Variants in DTNA observed in about 807,000 individuals in gnomAD.
The protein encoded by DTNA is dystrophin-related protein 3.
DTNA carries 43 observed loss-of-function variants against 100.7 expected under a neutral mutation model. That is an observed-to-expected ratio of 0.43 (90% CI 0.33 to 0.55). The LOEUF (loss-of-function observed/expected upper bound fraction) is 0.55, where lower values mean the gene tolerates loss of function less well. Ranked by LOEUF, DTNA falls within the 20% of genes least tolerant of loss-of-function variation. DTNA has a pLI of 0.04. For missense variants in DTNA, 798 were observed against 953.9 expected, an observed-to-expected ratio of 0.84 and a Z score of 2.15; for synonymous variants, 349 against 347.9, an observed-to-expected ratio of 1.00 and a Z score of -0.04.
At chr18:34,665,915 T>A (rs1455309537) in intron 1 of DTNA, among the ~76,000 whole-genome samples, 1 of 152,218 alleles carries the variant, frequency 6.6e-6, no homozygotes, top group Non-Finnish European at 1.5e-5. Flanking sequence ...CAGCATGATT[T>A]ACAGTCCTTT....
At chr18:34,867,061 A>G in intron 17 of DTNA, 4 of 1,229,810 alleles carry the variant, frequency 3.3e-6, no homozygotes, top group Non-Finnish European at 4.1e-6. Context: ...AAGTGCATGT[A>G]CCACGCTATG....
rs2092500633 is a variant in DTNA at position 34,753,366 on chromosome 18, A to ATTTTATTTTATTTTTT, written c.-1-2606_-1-2605insATTTTATTTTTTTTTT. Among the ~76,000 whole-genome samples the ATTTTATTTTATTTTTT allele has an allele frequency of 4.5e-5, 6 of 133,148 alleles. 1 individual carries two copies. Among genetic ancestry groups the ATTTTATTTTATTTTTT allele is most frequent in the African/African-American group, 1.9e-4 (6 of 31,266 alleles). The allele number at this position is 133,148 out of a possible 152,430, so 87.4% of individuals were successfully genotyped here. On this transcript the variant is annotated intron_variant, in intron 1 of 22. Coordinates refer to ENST00000444659, the MANE Select transcript of DTNA (RefSeq NM_001386795.1). Reference sequence around the variant, plus strand: ...ATTTATTTATTTATTTATTTATTTTATTTTTTTTTTTTTTTTATTTTTTAT... The same window carrying ATTTTATTTTATTTTTT: ...ATTTATTTATTTATTTATTTATTTTATTTTATTTTATTTTTTTTTTTTTTTTTTTTTTATTTTTTAT...
chr18:34,743,765 G>T (rs189402760), intron 1 of DTNA, among the ~76,000 whole-genome samples: 3 of 152,228 alleles, frequency 2.0e-5, no homozygotes, highest in African/African-American at 7.2e-5. Context: ...ATTTTTAATA[G>T]ACATACTCTA....
At position 34,890,583 on chromosome 18, in the gene DTNA, A is replaced by T; in HGVS notation, c.*2849A>T. 1.6e-6 allele frequency: 2 copies of T among 1,250,060 alleles called. No homozygotes were observed. Among genetic ancestry groups the T allele is most frequent in the Non-Finnish European group, 2.2e-6 (2 of 921,202 alleles). The allele number at this position is 1,250,060 out of a possible 1,614,324, so 77.4% of individuals were successfully genotyped here. ...CTGTTAATAAGCACTGGTCTAACACAGCCAACCCTCCTCCACAGCGCCATA... is the reference window on the plus strand; with the variant it reads ...CTGTTAATAAGCACTGGTCTAACACTGCCAACCCTCCTCCACAGCGCCATA... On this transcript the variant is annotated 3_prime_UTR_variant, in exon 23 of 23. Transcript: ENST00000444659.
intron 17 of DTNA, among the ~76,000 whole-genome samples, chr18:34,873,062 TA>T (rs1264994292): frequency 3.9e-5 from 6 of 152,202 alleles, no homozygotes; most frequent in Non-Finnish European, 7.3e-5. Flanking sequence ...CATGAAGTAT[TA>T]GGGGTTAAAG....
intron 9 of DTNA, among the ~76,000 whole-genome samples, chr18:34,821,902 T>G (rs569276460): frequency 1.5e-4 from 23 of 152,346 alleles, no homozygotes; most frequent in African/African-American, 5.5e-4. Context: ...GAGACCTTCG[T>G]GGAAGCAGCA....
chr18:34,745,261 T>C (rs2091379623), intron 1 of DTNA, among the ~76,000 whole-genome samples: 1 of 152,100 alleles, frequency 6.6e-6, no homozygotes, highest in Admixed American at 6.6e-5. Flanking sequence ...TGTTAAAGCA[T>C]ACAAGCCTCC....
intron 1 of DTNA, among the ~76,000 whole-genome samples, chr18:34,542,113 G>A (rs1268025035): frequency 1.3e-5 from 2 of 151,940 alleles, no homozygotes; most frequent in Non-Finnish European, 2.9e-5. Flanking sequence ...AAAGGTTGGG[G>A]GAGAGAGAGC....
Position 34,698,241 on chromosome 18 carries a change from A to C in DTNA, c.-1-57735A>C, listed in dbSNP as rs534683976. On this transcript the variant is annotated intron_variant, in intron 1 of 19. Transcript: ENST00000283365. ...ACTTTTCCCAGAAACTACCTGCATT[A>C]GTTTCCTAGAGTTGCTGTCACAAAT... Among the ~76,000 whole-genome samples the C allele has an allele frequency of 7.1e-4, 108 of 152,296 alleles. 4 individuals are homozygous for C. The South Asian group carries it at 0.022, about 30-fold the overall frequency.
chr18:34,571,324 A>G (rs1472842468), intron 1 of DTNA, among the ~76,000 whole-genome samples: 1 of 152,164 alleles, frequency 6.6e-6, no homozygotes, highest in Admixed American at 6.5e-5. Context: ...GAAAACCACT[A>G]TCAGAAACAC....
chr18:34,682,001 G>A (rs964983373), intron 1 of DTNA, among the ~76,000 whole-genome samples: 4 of 151,890 alleles, frequency 2.6e-5, no homozygotes, highest in African/African-American at 4.8e-5. Context: ...CTTTTTACTG[G>A]CTCCATAGCT....
intron 1 of DTNA, among the ~76,000 whole-genome samples, chr18:34,648,392 A>C (rs1177997902): frequency 6.6e-6 from 1 of 152,198 alleles, no homozygotes; most frequent in Non-Finnish European, 1.5e-5. Flanking sequence ...TAGAAGCAGT[A>C]AGTTTGACTA....
upstream of DTNA, among the ~76,000 whole-genome samples, chr18:34,709,159 T>C (rs1396698131): frequency 6.6e-6 from 1 of 152,196 alleles, no homozygotes. Context: ...TCTTTATCCA[T>C]TGAAGAAGTA....
At chr18:34,852,074 A>T in intron 15 of DTNA, 146 bp downstream of exon 15, 3 of 844,488 alleles carry the variant, frequency 3.6e-6, no homozygotes, top group African/African-American at 1.7e-5. Flanking sequence ...CACTTCCAAA[A>T]AGCTGGTCTT....
At chr18:34,640,693 G>T (rs1052919782) in intron 1 of DTNA, among the ~76,000 whole-genome samples, 2 of 152,170 alleles carry the variant, frequency 1.3e-5, no homozygotes, top group Non-Finnish European at 2.9e-5. Context: ...TGTCTCCCAT[G>T]ATTTGAACCT....
rs2096952801 is a variant in DTNA at position 34,889,621 on chromosome 18, A to G, written c.*1887A>G. The G allele has an allele frequency of 8.0e-5, 79 of 985,568 alleles. No homozygotes were observed. Among genetic ancestry groups the G allele is most frequent in the Non-Finnish European group, 9.5e-5 (79 of 829,956 alleles). 61.1% of individuals were successfully genotyped at this position (985,568 alleles called of 1,614,324 possible). On this transcript the variant is annotated 3_prime_UTR_variant, in exon 23 of 23. Coordinates refer to ENST00000444659, the MANE Select transcript of DTNA (RefSeq NM_001386795.1). Reference sequence around the variant, plus strand: ...TGCAGAGGGCGGCTGTACGATGTTCACATGTCTGCGTTTGGTCAGACATCA... The same window carrying G: ...TGCAGAGGGCGGCTGTACGATGTTCGCATGTCTGCGTTTGGTCAGACATCA...
intron 1 of DTNA, among the ~76,000 whole-genome samples, chr18:34,571,543 G>A (rs1279176712): frequency 1.3e-5 from 2 of 151,932 alleles, no homozygotes; most frequent in African/African-American, 4.8e-5. Context: ...AGGAGTTTGA[G>A]ACCAGCCCGA....
chr18:34,871,817 T>A (rs986612635), intron 17 of DTNA, among the ~76,000 whole-genome samples: 5 of 152,066 alleles, frequency 3.3e-5, no homozygotes, highest in African/African-American at 1.2e-4. Context: ...CATGGAGAGG[T>A]GGGGCCGTGA....
Position 34,818,331 on chromosome 18 carries a change from G to A in DTNA, c.876+1G>A. ...CCAAATGAAAGAGTACACGTCATGGGTAAGGCAAGGTCCAGGCAATACTTG... is the reference window on the plus strand; with the variant it reads ...CCAAATGAAAGAGTACACGTCATGGATAAGGCAAGGTCCAGGCAATACTTG... On this transcript the variant is annotated splice_donor_variant, in intron 8 of 22. Coordinates refer to ENST00000444659, the MANE Select transcript of DTNA (RefSeq NM_001386795.1). LOFTEE classifies it high-confidence loss of function. 1 of 1,613,600 alleles carries A rather than the reference G, an allele frequency of 6.2e-7. No homozygotes were observed. Among genetic ancestry groups the A allele is most frequent in the Non-Finnish European group, 8.5e-7 (1 of 1,179,748 alleles).
Sources: allele counts gnomAD v4.1 joint callset (sites outside exome capture counted in the v4.1 genomes callset), GRCh38; gene constraint gnomAD v4.1.1; transcripts MANE v1.5; gene names NCBI Gene and HGNC (gene_info 2026-07-23, HGNC 2026-07-21).